Variants in NLRP5 observed in about 807,000 individuals in gnomAD.
The protein encoded by NLRP5 is NACHT, LRR and PYD domains-containing protein 5.
A neutral mutation model predicts 113.1 loss-of-function variants in NLRP5; 93 were observed. The observed-to-expected ratio is 0.82, with a 90% CI of 0.70 to 0.98. The LOEUF is 0.98. Among genes scored for constraint, NLRP5 ranks in the 50% least tolerant of loss-of-function variants. The pLI is 0.00. For missense variants in NLRP5, 1,808 were observed against 1,514.3 expected, an observed-to-expected ratio of 1.19 and a Z score of -3.22; for synonymous variants, 751 against 600.7, an observed-to-expected ratio of 1.25 and a Z score of -3.66.
the NLRP5 span, among the ~76,000 whole-genome samples, chr19:55,987,367 C>G: frequency 6.6e-6 from 1 of 152,222 alleles, no homozygotes; most frequent in Non-Finnish European, 1.5e-5. Flanking sequence ...GAGACTTCGT[C>G]TCAAGTAAAA....
chr19:56,054,761 G>C (rs75719876), intron 13 of NLRP5, among the ~76,000 whole-genome samples: 2,303 of 152,062 alleles, frequency 0.015, 60 homozygotes, highest in African/African-American at 0.051. Context: ...AAGTAGAAGG[G>C]GGGCAGCTGA....
intron 6 of NLRP5, among the ~76,000 whole-genome samples, chr19:56,023,379 A>T (rs1982691225): frequency 1.3e-5 from 2 of 152,308 alleles, no homozygotes; most frequent in Admixed American, 6.5e-5. Flanking sequence ...GGCTCTGTTA[A>T]CACGTCCCCT....
intron 6 of NLRP5, among the ~76,000 whole-genome samples, chr19:56,024,416 ATATGT>A (rs1982742164): frequency 8.0e-6 from 1 of 125,106 alleles, no homozygotes; most frequent in Admixed American, 8.0e-5. Context: ...ATATATGTAT[ATATGT>A]TATATATACA....
chr19:56,002,222 A>G (rs149754332), intron 1 of NLRP5, among the ~76,000 whole-genome samples: 1 of 152,306 alleles, frequency 6.6e-6, no homozygotes, highest in African/African-American at 2.4e-5. Context: ...AGAAATGGAT[A>G]TTCAGACCCT....
upstream of NLRP5, among the ~76,000 whole-genome samples, chr19:55,998,858 A>G (rs1477627866): frequency 1.3e-5 from 2 of 151,498 alleles, no homozygotes; most frequent in South Asian, 2.1e-4. Flanking sequence ...ATGTTTAGAT[A>G]TATGTATACA....
intron 2 of NLRP5, among the ~76,000 whole-genome samples, chr19:56,006,295 G>A (rs1981908407): frequency 1.3e-5 from 2 of 152,138 alleles, no homozygotes; most frequent in South Asian, 2.1e-4. Context: ...GAAGTGGGGA[G>A]TGATAGCATT....
At chr19:56,037,397 G>A (rs1467659776) in intron 9 of NLRP5, among the ~76,000 whole-genome samples, 1 of 152,064 alleles carries the variant, frequency 6.6e-6, no homozygotes, top group East Asian at 1.9e-4. Context: ...ACATAAGTAT[G>A]TGGAACGTTG....
intron 13 of NLRP5, among the ~76,000 whole-genome samples, chr19:56,055,704 C>T (rs1298239375): frequency 6.6e-6 from 1 of 151,630 alleles, no homozygotes; most frequent in Admixed American, 6.6e-5. Flanking sequence ...CGCCACCACG[C>T]CCGGCTAATT....
intron 4 of NLRP5, 153 bp from the exon 5 acceptor site, chr19:56,019,189 A>T: frequency 1.3e-6 from 1 of 770,496 alleles, no homozygotes; most frequent in Non-Finnish European, 2.2e-6. Context: ...TCATTGTACC[A>T]GTGCACTCTG....
At chr19:56,042,407 A>C (rs1298630845) in intron 11 of NLRP5, among the ~76,000 whole-genome samples, 1 of 152,036 alleles carries the variant, frequency 6.6e-6, no homozygotes, top group East Asian at 1.9e-4. Flanking sequence ...GGCATGGCGC[A>C]ATCTCAGCTC....
chr19:56,050,576 T>C lies in NLRP5; in HGVS notation c.3116T>C (p.Leu1039Pro). The change falls in exon 12 of 15, where the codon CTC becomes CCC. Residue 1039 changes from leucine to proline, a missense_variant. Leu to Pro is a moderately conservative substitution (Grantham distance 98). Coordinates refer to ENST00000390649, the MANE Select transcript of NLRP5 (RefSeq NM_153447.4). ...GTCATGAGAGAACCATCTTGTCATC[T>C]CCAGGACCTGGAGTGAGTTTCCCAT... 6.2e-7 allele frequency: 1 copy of C among 1,613,658 alleles called. No homozygotes were observed. The highest frequency in any genetic ancestry group is 8.5e-7 in the Non-Finnish European group (1 of 1,179,670).
chr19:56,058,300 C>G lies in NLRP5; in HGVS notation c.3360C>G (p.Cys1120Trp). Residue 1120 changes from cysteine (C) to tryptophan (W), a missense_variant, in exon 14 of 15, where the codon TGC becomes TGG. Coordinates refer to ENST00000390649, the MANE Select transcript of NLRP5 (RefSeq NM_153447.4). ...AGGCACTCTCCTTGGCCCTTTCCTGCAACCGGCATCTGACCAGTCTAAACC... is the reference window on the plus strand; with the variant it reads ...AGGCACTCTCCTTGGCCCTTTCCTGGAACCGGCATCTGACCAGTCTAAACC... 2 of 1,613,962 alleles carry G rather than the reference C, an allele frequency of 1.2e-6. No individual in the cohort carries two copies. Among genetic ancestry groups the G allele is most frequent in the Non-Finnish European group, 1.7e-6 (2 of 1,179,852 alleles).
chr19:56,030,903 G>T (rs908207900), intron 7 of NLRP5, among the ~76,000 whole-genome samples: 7 of 151,430 alleles, frequency 4.6e-5, no homozygotes, highest in Non-Finnish European at 8.8e-5. Context: ...TAGTAGAGAT[G>T]GGGTTTCACC....
chr19:56,009,235 G>A (rs773940529), intron 3 of NLRP5, among the ~76,000 whole-genome samples: 3 of 150,378 alleles, frequency 2.0e-5, no homozygotes, highest in Non-Finnish European at 4.4e-5. Flanking sequence ...AGCTACTTGG[G>A]AGGTGGAGGC....
At chr19:56,024,513 GTGTATGTA>G (rs1432966825) in intron 6 of NLRP5, among the ~76,000 whole-genome samples, 2 of 92,564 alleles carry the variant, frequency 2.2e-5, no homozygotes, top group Admixed American at 1.1e-4. Flanking sequence ...ATATGTATAT[GTGTATGTA>G]TATGTATACA....
chr19:56,027,009 A>G lies in NLRP5; in HGVS notation c.776A>G (p.Asp259Gly), dbSNP rs1435532757. 6.4e-7 allele frequency: 1 copy of G among 1,551,924 alleles called. No homozygotes were observed. Among genetic ancestry groups the G allele is most frequent in the South Asian group, 1.2e-5 (1 of 84,066 alleles). ...CGTAGTTTTGAAAACACTGCTGCTG[A>G]CTGGCCGGAAATGCAAACGTTGGCT... Residue 259 changes from aspartate (D) to glycine (G), a missense_variant, in exon 7 of 15, where the codon GAC becomes GGC. Physicochemically the swap from Asp to Gly is moderately conservative, Grantham distance 94. Coordinates refer to ENST00000390649, the MANE Select transcript of NLRP5 (RefSeq NM_153447.4).
upstream of NLRP5, among the ~76,000 whole-genome samples, chr19:55,999,131 A>G (rs1252601156): frequency 6.6e-6 from 1 of 150,670 alleles, no homozygotes; most frequent in Non-Finnish European, 1.5e-5. Context: ...GGCAACCACC[A>G]TTCTTCTCTC....
the NLRP5 span, among the ~76,000 whole-genome samples, chr19:55,990,438 C>T: frequency 2.6e-5 from 4 of 152,178 alleles, no homozygotes; most frequent in African/African-American, 9.6e-5. Flanking sequence ...TGCCTATAAT[C>T]CCAGCACTTG....
At chr19:55,994,560 G>C in the NLRP5 span, among the ~76,000 whole-genome samples, 3,212 of 152,212 alleles carry the variant, frequency 0.021, 69 homozygotes, top group Admixed American at 0.065. Flanking sequence ...ACCACACCCA[G>C]CTAATTTTTG....
Sources: allele counts gnomAD v4.1 joint callset (sites outside exome capture counted in the v4.1 genomes callset), GRCh38; gene constraint gnomAD v4.1.1; transcripts MANE v1.5; gene names NCBI Gene and HGNC (gene_info 2026-07-23, HGNC 2026-07-21).